The following GMDS variants were observed in gnomAD, a reference collection of about 807,000 sequenced individuals.
The protein encoded by GMDS is GDP-mannose 4,6 dehydratase.
A neutral mutation model predicts 49.9 loss-of-function variants in GMDS; 20 were observed. The ratio of observed to expected loss-of-function variants is 0.40; its 90% confidence interval spans 0.28 to 0.58. The LOEUF (loss-of-function observed/expected upper bound fraction) is 0.58, where lower values mean the gene tolerates loss of function less well. Ranked by LOEUF, GMDS falls within the 20% of genes least tolerant of loss-of-function variation. The pLI is 0.42. For synonymous variants in GMDS, 177 were observed against 178.6 expected, an observed-to-expected ratio of 0.99 and a Z score of 0.07; for missense variants, 362 against 481.4, an observed-to-expected ratio of 0.75 and a Z score of 2.32.
Position 2,216,936 on chromosome 6 carries a change from G to C in GMDS, c.102+28385C>G, listed in dbSNP as rs979814565. Among the ~76,000 whole-genome samples the C allele has an allele frequency of 3.3e-5, 5 of 152,138 alleles. No homozygotes were observed. In the East Asian group the frequency reaches 5.8e-4, roughly 18 times the overall value. ...TGGCTCCTCACGGAAAGGGAGCTCAGTGGTTCCTACTCCAGGACACTTCCC... is the reference window on the plus strand; with the variant it reads ...TGGCTCCTCACGGAAAGGGAGCTCACTGGTTCCTACTCCAGGACACTTCCC... On this transcript the variant is annotated intron_variant, in intron 1 of 10. Coordinates refer to ENST00000380815, the MANE Select transcript of GMDS (RefSeq NM_001500.4).
intron 1 of GMDS, among the ~76,000 whole-genome samples, chr6:2,145,538 A>AAAATAAATAAATAAATAAATAAATAAAT (rs36139025): frequency 1.3e-5 from 2 of 148,356 alleles, no homozygotes; most frequent in Non-Finnish European, 3.0e-5. Flanking sequence ...ACTCTGTCTC[A>AAAATAAATAAATAAATAAATAAATAAAT]AAATAAATAA....
chr6:1,927,367 A>G (rs866016507), intron 7 of GMDS, among the ~76,000 whole-genome samples: 1,249 of 135,190 alleles, frequency 9.2e-3, no homozygotes, highest in African/African-American at 0.016. Context: ...ATTTTTATTC[A>G]GAGGGTAGCG....
chr6:2,035,674 T>A (rs1025711859), intron 4 of GMDS, among the ~76,000 whole-genome samples: 1 of 151,848 alleles, frequency 6.6e-6, no homozygotes, highest in African/African-American at 2.4e-5. Flanking sequence ...AGTAACTTAT[T>A]TATTTATATT....
At chr6:2,227,575 T>C (rs1176157414) in intron 1 of GMDS, among the ~76,000 whole-genome samples, 1 of 152,198 alleles carries the variant, frequency 6.6e-6, no homozygotes, top group Non-Finnish European at 1.5e-5. Context: ...CAGTAGTTCC[T>C]AGAGAGTGAC....
Position 2,199,904 on chromosome 6 carries a change from T to C in GMDS, c.102+45417A>G, listed in dbSNP as rs1198630551. 3.9e-5 allele frequency among the ~76,000 whole-genome samples: 6 copies of C among 152,282 alleles called. No individual in the cohort carries two copies. The East Asian group carries it at 5.8e-4, about 15-fold the overall frequency. Reference sequence around the variant, plus strand: ...AATAAATGAGTGAGAAGTCTAAGAATTAAGGATTTCTAAAAGATAAAGCCT... The same window carrying C: ...AATAAATGAGTGAGAAGTCTAAGAACTAAGGATTTCTAAAAGATAAAGCCT... On this transcript the variant is annotated intron_variant, in intron 1 of 10. Transcript: ENST00000380815.
At chr6:2,170,557 T>C (rs1183577156) in intron 1 of GMDS, among the ~76,000 whole-genome samples, 1 of 150,546 alleles carries the variant, frequency 6.6e-6, no homozygotes, top group African/African-American at 2.5e-5. Context: ...AGCCCAGGAG[T>C]TCAAGGTTGC....
chr6:1,722,694 C>T (rs1474697755), intron 9 of GMDS, among the ~76,000 whole-genome samples: 2 of 152,222 alleles, frequency 1.3e-5, no homozygotes, highest in Non-Finnish European at 2.9e-5. Flanking sequence ...GGTCGCACAG[C>T]TAGTAATCAA....
intron 4 of GMDS, among the ~76,000 whole-genome samples, chr6:1,981,171 A>C (rs1331920252): frequency 6.6e-6 from 1 of 152,140 alleles, no homozygotes; most frequent in Non-Finnish European, 1.5e-5. Flanking sequence ...AGCTAGCAGA[A>C]GACAAGAAAT....
intron 7 of GMDS, among the ~76,000 whole-genome samples, chr6:1,810,150 G>A (rs1360643508): frequency 6.6e-6 from 1 of 152,152 alleles, no homozygotes; most frequent in Non-Finnish European, 1.5e-5. Flanking sequence ...CCAGAGGAGA[G>A]GGAGCTGGCT....
intron 1 of GMDS, among the ~76,000 whole-genome samples, chr6:2,197,926 G>C (rs978281439): frequency 3.3e-5 from 5 of 152,164 alleles, no homozygotes; most frequent in African/African-American, 1.2e-4. Context: ...GGTACCAGTG[G>C]AGGATGCGTG....
Position 1,876,579 on chromosome 6 carries a change from G to GA in GMDS, c.771+53523dup, listed in dbSNP as rs1759078337. Among the ~76,000 whole-genome samples the GA allele has an allele frequency of 2.6e-5, 4 of 152,166 alleles. No homozygotes were observed. The South Asian group carries it at 8.3e-4, about 32-fold the overall frequency. ...CATGCCTAGCTCTTAGACAATTCCTGAACTTCTGGGATCTTTATCTCCCTC... is the reference window on the plus strand; with the variant it reads ...CATGCCTAGCTCTTAGACAATTCCTGAAACTTCTGGGATCTTTATCTCCCTC... On this transcript the variant is annotated intron_variant, in intron 7 of 10. Coordinates refer to ENST00000380815, the MANE Select transcript of GMDS (RefSeq NM_001500.4).
At chr6:1,704,868 G>A (rs1328597730) in intron 9 of GMDS, among the ~76,000 whole-genome samples, 3 of 150,280 alleles carry the variant, frequency 2.0e-5, no homozygotes, top group African/African-American at 4.9e-5. Flanking sequence ...GGGGGCGGGG[G>A]TGAGGGGTGT....
intron 7 of GMDS, among the ~76,000 whole-genome samples, chr6:1,785,553 G>C (rs3800067): frequency 0.14 from 20,556 of 152,174 alleles, 1,543 homozygotes; most frequent in Middle Eastern, 0.23. Flanking sequence ...CCCTCGCCAC[G>C]TGGGCCCCCT....
At chr6:1,869,980 G>A (rs1452937000) in intron 7 of GMDS, among the ~76,000 whole-genome samples, 1 of 152,238 alleles carries the variant, frequency 6.6e-6, no homozygotes, top group African/African-American at 2.4e-5. Flanking sequence ...AGACGGCTCA[G>A]ACCACGACTG....
At chr6:1,637,683 G>C (rs1256345091) in intron 9 of GMDS, among the ~76,000 whole-genome samples, 1 of 152,230 alleles carries the variant, frequency 6.6e-6, no homozygotes, top group African/African-American at 2.4e-5. Context: ...AGGCCTCCAT[G>C]CAGAAGGCTC....
intron 9 of GMDS, among the ~76,000 whole-genome samples, chr6:1,627,592 CAA>C (rs1034279169): frequency 4.6e-5 from 7 of 152,286 alleles, no homozygotes; most frequent in African/African-American, 1.7e-4. Flanking sequence ...CTCCTAAGGA[CAA>C]GAGAGAAGAA....
chr6:1,975,790 C>T (rs931231559), intron 4 of GMDS, among the ~76,000 whole-genome samples: 2 of 152,304 alleles, frequency 1.3e-5, no homozygotes, highest in East Asian at 3.9e-4. Context: ...CCCATAGTCT[C>T]AGAGTACTGA....
chr6:2,151,270 T>C, intron 1 of GMDS, among the ~76,000 whole-genome samples: 1 of 151,794 alleles, frequency 6.6e-6, no homozygotes, highest in Non-Finnish European at 1.5e-5. Flanking sequence ...TGTATCAAAA[T>C]ATCTCATGTA....
intron 7 of GMDS, among the ~76,000 whole-genome samples, chr6:1,926,667 T>C (rs1163193133): frequency 2.0e-5 from 3 of 152,242 alleles, no homozygotes; most frequent in Non-Finnish European, 4.4e-5. Flanking sequence ...AATTTACCTT[T>C]AGTCATAAAT....
Sources: gnomAD v4.1 joint callset for allele counts (sites outside exome capture counted in the v4.1 genomes callset) on GRCh38, gnomAD v4.1.1 for gene constraint, MANE v1.5 for transcripts, NCBI Gene and HGNC (gene_info 2026-07-23, HGNC 2026-07-21) for gene names.